RAD54B: variants seen among roughly 807,000 people sequenced by gnomAD.
The protein encoded by RAD54B is RAD54 homolog B, also known as DNA repair and recombination protein RAD54B.
Under a neutral mutation model 95.8 loss-of-function variants are expected in RAD54B, and 78 were observed. That is an observed-to-expected ratio of 0.81 (90% CI 0.68 to 0.98). The LOEUF (loss-of-function observed/expected upper bound fraction) is 0.98, where lower values mean the gene tolerates loss of function less well. RAD54B is among the 50% of genes least tolerant of loss of function. The pLI, the probability that RAD54B is intolerant of heterozygous loss-of-function variation, is 0.00. For synonymous variants in RAD54B, 328 were observed against 354.9 expected (o/e 0.92, Z 0.85); for missense variants, 957 against 1,056.6 (o/e 0.91, Z 1.31).
At chr8:94,443,803 G>A (rs1200791056) in intron 3 of RAD54B, among the ~76,000 whole-genome samples, 2 of 151,730 alleles carry the variant, frequency 1.3e-5, no homozygotes, top group African/African-American at 2.4e-5. Context: ...TTTTTCCCAG[G>A]TGTATCCTTA....
chr8:94,398,893 A>G (rs1294219188), intron 8 of RAD54B, among the ~76,000 whole-genome samples: 1 of 152,174 alleles, frequency 6.6e-6, no homozygotes, highest in Non-Finnish European at 1.5e-5. Context: ...TATGTAGCAT[A>G]TACATATAAA....
intron 5 of RAD54B, 133 bp downstream of exon 5, chr8:94,407,306 T>A (rs1811414529): frequency 1.2e-6 from 1 of 842,704 alleles, no homozygotes; most frequent in African/African-American, 1.7e-5. Flanking sequence ...ATCTCTTATG[T>A]CAGATTATAT....
chr8:94,464,574 TAAA>T (rs1399269322), intron 2 of RAD54B, among the ~76,000 whole-genome samples: 1 of 152,204 alleles, frequency 6.6e-6, no homozygotes, highest in Non-Finnish European at 1.5e-5. Flanking sequence ...AAATTCCTGA[TAAA>T]AAGTTTCTTT....
intron 3 of RAD54B, among the ~76,000 whole-genome samples, chr8:94,422,919 C>T (rs955623856): frequency 6.6e-6 from 1 of 150,960 alleles, no homozygotes; most frequent in African/African-American, 2.4e-5. Context: ...TCACCCTCTT[C>T]ATTCCCTGCT....
At chr8:94,380,094 T>G in intron 12 of RAD54B, 51 bp downstream of exon 12, 1 of 1,521,782 alleles carries the variant, frequency 6.6e-7, no homozygotes, top group Non-Finnish European at 8.9e-7. Flanking sequence ...TCAATAGGCA[T>G]TGTATCCTCA....
At chr8:94,427,083 T>A (rs1320988064) in intron 3 of RAD54B, among the ~76,000 whole-genome samples, 2 of 152,158 alleles carry the variant, frequency 1.3e-5, no homozygotes, top group East Asian at 3.8e-4. Context: ...TTTCTGTATG[T>A]TTGAAAGGTT....
intron 14 of RAD54B, among the ~76,000 whole-genome samples, chr8:94,377,167 A>G (rs1349165848): frequency 6.6e-6 from 1 of 152,182 alleles, no homozygotes; most frequent in African/African-American, 2.4e-5. Flanking sequence ...CATTATGAAT[A>G]AATTCTGTAC....
At chr8:94,424,762 T>C (rs1811902119) in intron 3 of RAD54B, among the ~76,000 whole-genome samples, 3 of 152,148 alleles carry the variant, frequency 2.0e-5, no homozygotes, top group South Asian at 4.1e-4. Flanking sequence ...TGAAGGTCTA[T>C]CTGCAAGACT....
intron 11 of RAD54B, among the ~76,000 whole-genome samples, chr8:94,381,584 G>C (rs1263695834): frequency 3.3e-5 from 5 of 152,112 alleles, no homozygotes; most frequent in Non-Finnish European, 7.3e-5. Flanking sequence ...TCCTTCAATG[G>C]AAGAGGATGC....
intron 2 of RAD54B, among the ~76,000 whole-genome samples, chr8:94,459,525 A>C (rs1012327139): frequency 6.6e-6 from 1 of 152,124 alleles, no homozygotes; most frequent in Admixed American, 6.6e-5. Context: ...ATTTGCATCA[A>C]AATAAGAAGG....
At chr8:94,417,708 A>G (rs1586152293) in intron 3 of RAD54B, among the ~76,000 whole-genome samples, 1 of 148,150 alleles carries the variant, frequency 6.7e-6, no homozygotes, top group South Asian at 2.1e-4. Context: ...ATATGTCTGG[A>G]AAAAAAAAAA....
intron 2 of RAD54B, among the ~76,000 whole-genome samples, chr8:94,465,160 C>T (rs1017774086): frequency 6.6e-6 from 1 of 152,028 alleles, no homozygotes; most frequent in Non-Finnish European, 1.5e-5. Context: ...AAGAAAGAAA[C>T]CTTATTAAGA....
chr8:94,420,155 T>G (rs1447934039), intron 3 of RAD54B, among the ~76,000 whole-genome samples: 1 of 151,940 alleles, frequency 6.6e-6, no homozygotes, highest in Non-Finnish European at 1.5e-5. Context: ...CACCTAGCAA[T>G]GCATTTCTCA....
intron 1 of RAD54B, among the ~76,000 whole-genome samples, chr8:94,468,817 ACT>A (rs1813094373): frequency 1.3e-5 from 2 of 151,568 alleles, no homozygotes; most frequent in Admixed American, 6.6e-5. Flanking sequence ...CGACAGCGAG[ACT>A]CTGTCTCAAA....
rs1279616127 is a variant in RAD54B at position 94,378,370 on chromosome 8, T to A, written c.2325A>T (p.Glu775Asp). 6.2e-7 allele frequency: 1 copy of A among 1,612,606 alleles called. No homozygotes were observed. The highest frequency in any genetic ancestry group is 1.1e-5 in the South Asian group (1 of 90,634). The change falls in exon 14 of 15, where the codon GAA (glutamate) becomes GAT (aspartate). Residue 775 changes from glutamate (E) to aspartate (D), a missense_variant. Transcript: ENST00000336148. ...TGATCTGCCTTTGATAGATCTTTTC[T>A]TCTATTGTACCTAAAGAGAAAACAT... ...IYRLLTTGTI[E>D]EKIYQRQISK...
chr8:94,380,096 G>A, intron 12 of RAD54B, 49 bp downstream of exon 12: 1 of 1,525,668 alleles, frequency 6.6e-7, no homozygotes. Context: ...AATAGGCATT[G>A]TATCCTCAGG....
At chr8:94,427,865 A>G (rs1811983238) in intron 3 of RAD54B, 3 of 960,222 alleles carry the variant, frequency 3.1e-6, no homozygotes, top group Non-Finnish European at 3.7e-6. Flanking sequence ...AAGAAGGCAC[A>G]TGAAAAAAAC....
At chr8:94,473,509 A>G (rs1180774362) in intron 1 of RAD54B, among the ~76,000 whole-genome samples, 2 of 152,218 alleles carry the variant, frequency 1.3e-5, no homozygotes, top group Admixed American at 1.3e-4. Flanking sequence ...GGAGGATTAA[A>G]TGAAATATGT....
At chr8:94,437,731 C>T (rs902682714) in intron 3 of RAD54B, among the ~76,000 whole-genome samples, 1 of 152,144 alleles carries the variant, frequency 6.6e-6, no homozygotes, top group Admixed American at 6.5e-5. Flanking sequence ...CTTAAGACTC[C>T]ACATACAAAA....
Sources: gnomAD v4.1 joint callset for allele counts (sites outside exome capture counted in the v4.1 genomes callset) on GRCh38, gnomAD v4.1.1 for gene constraint, MANE v1.5 for transcripts, NCBI Gene and HGNC (gene_info 2026-07-23, HGNC 2026-07-21) for gene names.